Variants in RARB observed in about 807,000 individuals in gnomAD.
RARB encodes the protein retinoic acid receptor beta.
Under a neutral mutation model 51.9 loss-of-function variants are expected in RARB, and 17 were observed. The ratio of observed to expected loss-of-function variants is 0.33; its 90% CI spans 0.22 to 0.49. The LOEUF (loss-of-function observed/expected upper bound fraction) is 0.49. Among genes scored for constraint, RARB ranks in the 20% least tolerant of loss-of-function variants. RARB has a pLI of 0.99. For synonymous variants in RARB, 215 were observed against 195.4 expected (o/e 1.10, Z -0.84); for missense variants, 369 against 550.8 (o/e 0.67, Z 3.30).
intron 5 of RARB, among the ~76,000 whole-genome samples, chr3:25,241,127 A>G (rs1221561176): frequency 2.0e-5 from 3 of 152,148 alleles, no homozygotes; most frequent in Non-Finnish European, 4.4e-5. Flanking sequence ...AGTTGTTCAT[A>G]ATAGTCTCTG....
chr3:25,539,953 C>A (rs551225091), intron 3 of RARB, among the ~76,000 whole-genome samples: 2 of 151,884 alleles, frequency 1.3e-5, no homozygotes, highest in Non-Finnish European at 2.9e-5. Context: ...TTATGGGATG[C>A]AAACCCCACA....
chr3:25,214,551 C>T (rs1383555280), intron 5 of RARB, among the ~76,000 whole-genome samples: 1 of 152,146 alleles, frequency 6.6e-6, no homozygotes, highest in Non-Finnish European at 1.5e-5. Flanking sequence ...GTATTTTTCA[C>T]ATCGAATAAA....
At chr3:25,340,505 C>T (rs935062134) in intron 5 of RARB, among the ~76,000 whole-genome samples, 2 of 152,076 alleles carry the variant, frequency 1.3e-5, no homozygotes, top group Non-Finnish European at 2.9e-5. Context: ...GTTCTTATGC[C>T]TCTGGTTTTA....
At chr3:25,494,275 A>ACACACACACACACACACACACACACG (rs1553623210) in intron 2 of RARB, among the ~76,000 whole-genome samples, 1 of 102,304 alleles carries the variant, frequency 9.8e-6, no homozygotes, top group Non-Finnish European at 2.0e-5. Context: ...ACACACACAC[A>ACACACACACACACACACACACACACG]CACATGCCAT....
chr3:25,191,539 C>G (rs529288625), intron 5 of RARB, among the ~76,000 whole-genome samples: 1 of 152,078 alleles, frequency 6.6e-6, no homozygotes, highest in Non-Finnish European at 1.5e-5. Flanking sequence ...AAATGGACAG[C>G]TATGAATTTT....
chr3:25,205,874 G>T (rs1460104645), intron 5 of RARB, among the ~76,000 whole-genome samples: 3 of 151,866 alleles, frequency 2.0e-5, no homozygotes, highest in Non-Finnish European at 4.4e-5. Flanking sequence ...TCCTCAGTTA[G>T]TTAGGACTAC....
At chr3:25,507,117 T>G (rs1460821389) in intron 3 of RARB, among the ~76,000 whole-genome samples, 1 of 152,244 alleles carries the variant, frequency 6.6e-6, no homozygotes, top group Non-Finnish European at 1.5e-5. Context: ...CTTATTATAT[T>G]ATACAGATAG....
chr3:25,177,804 A>G (rs1400472226), intron 5 of RARB, among the ~76,000 whole-genome samples: 1 of 152,200 alleles, frequency 6.6e-6, no homozygotes, highest in Admixed American at 6.5e-5. Context: ...TGCTATATCT[A>G]CTTTGCAGTC....
rs141398776 is a variant in RARB, at chr3:24,880,069, T to A, written c.-380+21317T>A. Among the ~76,000 whole-genome samples, 418 of 152,248 alleles carry A rather than the reference T, an allele frequency of 2.7e-3. 3 individuals carry two copies. The highest frequency in any genetic ancestry group is 9.3e-3 in the African/African-American group (388 of 41,534). On this transcript the variant is annotated intron_variant, in intron 2 of 11. Coordinates refer to the RARB transcript ENST00000383772. Reference sequence around the variant, plus strand: ...CTACGTTCCTGGTTTTTGATACATTTTTTCCTCTATTTTTTGCTTTCTTGC... The same window carrying A: ...CTACGTTCCTGGTTTTTGATACATTATTTCCTCTATTTTTTGCTTTCTTGC...
chr3:25,396,129 C>G (rs902932208), intron 5 of RARB, among the ~76,000 whole-genome samples: 1 of 152,200 alleles, frequency 6.6e-6, no homozygotes, highest in Non-Finnish European at 1.5e-5. Flanking sequence ...TGTTATTTCT[C>G]TTCTGGGTCT....
At chr3:25,553,978 G>A (rs1008294681) in intron 3 of RARB, among the ~76,000 whole-genome samples, 5 of 151,980 alleles carry the variant, frequency 3.3e-5, no homozygotes, top group African/African-American at 9.7e-5. Flanking sequence ...CTAGAAAGAA[G>A]CCCATGTCAC....
At chr3:25,417,030 C>G (rs926110875) in intron 5 of RARB, among the ~76,000 whole-genome samples, 2 of 152,088 alleles carry the variant, frequency 1.3e-5, no homozygotes, top group African/African-American at 4.8e-5. Context: ...TATTTGAAGA[C>G]AGAGCTTTGG....
rs938796503 is a variant in RARB at position 24,914,625 on chromosome 3, T to A, written c.-380+55873T>A. The stretch of plus-strand genomic sequence containing the variant: ...TATAACCTGCACACATCGTCCTGTA[T>A]ACTTTAAATCATCTCCAGATTACCT... On this transcript the variant is annotated intron_variant, in intron 2 of 11. Transcript: ENST00000383772. Among the ~76,000 whole-genome samples, 5 of 152,350 alleles carry A rather than the reference T, an allele frequency of 3.3e-5. No homozygotes were observed. In the East Asian group the frequency reaches 9.6e-4, roughly 29 times the overall value.
intron 5 of RARB, among the ~76,000 whole-genome samples, chr3:25,581,312 A>C (rs1375473389): frequency 2.0e-5 from 3 of 152,112 alleles, no homozygotes; most frequent in Non-Finnish European, 4.4e-5. Flanking sequence ...TACTTTCCCT[A>C]TGTTCTGATG....
chr3:25,047,337 G>C (rs1176235167), intron 2 of RARB, among the ~76,000 whole-genome samples: 1 of 152,080 alleles, frequency 6.6e-6, no homozygotes, highest in East Asian at 1.9e-4. Context: ...TTTCCTAAGA[G>C]GCCCTTTTGG....
chr3:24,977,264 G>T (rs1696538281), intron 2 of RARB, among the ~76,000 whole-genome samples: 1 of 152,142 alleles, frequency 6.6e-6, no homozygotes, highest in Non-Finnish European at 1.5e-5. Context: ...GGTTTCATAT[G>T]AAATTTAAAG....
chr3:25,505,339 GA>G (rs1697529213), intron 3 of RARB, among the ~76,000 whole-genome samples: 1 of 152,086 alleles, frequency 6.6e-6, no homozygotes, highest in South Asian at 2.1e-4. Context: ...TTAAAACTCC[GA>G]GTTCCTTTTT....
intron 3 of RARB, among the ~76,000 whole-genome samples, chr3:25,547,884 A>G (rs1312656500): frequency 6.6e-6 from 1 of 152,220 alleles, no homozygotes; most frequent in Non-Finnish European, 1.5e-5. Context: ...ATGATTTTAC[A>G]TAAGTCATTG....
chr3:24,999,999 T>C (rs1180600779), intron 2 of RARB, among the ~76,000 whole-genome samples: 1 of 57,208 alleles, frequency 1.7e-5, no homozygotes, highest in East Asian at 1.8e-3. Flanking sequence ...ACTCCTGAGA[T>C]CTGTCCAGGA....
Sources: allele counts gnomAD v4.1 joint callset (sites outside exome capture counted in the v4.1 genomes callset), GRCh38; gene constraint gnomAD v4.1.1; transcripts MANE v1.5; gene names NCBI Gene and HGNC (gene_info 2026-07-23, HGNC 2026-07-21).